Variants in OTUD7B observed in about 807,000 individuals in gnomAD.
OTUD7B encodes the protein OTU domain-containing protein 7B.
OTUD7B carries 34 observed loss-of-function variants against 82.2 expected under a neutral mutation model. That is an observed-to-expected ratio of 0.41 (90% CI 0.31 to 0.55). OTUD7B has a LOEUF of 0.55. Ranked by LOEUF, OTUD7B falls within the 20% of genes least tolerant of loss-of-function variation. The pLI is 0.20. For synonymous variants in OTUD7B, 398 were observed against 402.7 expected, an observed-to-expected ratio of 0.99 and a Z score of 0.14; for missense variants, 944 against 1,062.1, an observed-to-expected ratio of 0.89 and a Z score of 1.55.
chr1:150,063,002 C>A, the OTUD7B span, among the ~76,000 whole-genome samples: 1 of 150,864 alleles, frequency 6.6e-6, no homozygotes, highest in Non-Finnish European at 1.5e-5. Flanking sequence ...GCGTGACCCA[C>A]CAAGGCTGGC....
chr1:150,031,518 C>T, the OTUD7B span, among the ~76,000 whole-genome samples: 3 of 152,178 alleles, frequency 2.0e-5, no homozygotes, highest in Middle Eastern at 3.2e-3. Context: ...TTTAATAAAA[C>T]GCTGTGCTTT....
chr1:150,008,228 A>T (rs587603940), intron 1 of OTUD7B, among the ~76,000 whole-genome samples: 3 of 152,312 alleles, frequency 2.0e-5, no homozygotes, highest in Admixed American at 2.0e-4. Context: ...CAACTTAGGG[A>T]GTTGCTAGAT....
intron 1 of OTUD7B, among the ~76,000 whole-genome samples, chr1:149,985,764 T>C (rs1207851113): frequency 1.3e-5 from 2 of 150,608 alleles, no homozygotes; most frequent in African/African-American, 2.4e-5. Flanking sequence ...AAAAAATCTA[T>C]ACAGGACAAA....
the OTUD7B span, among the ~76,000 whole-genome samples, chr1:150,029,803 TTA>T: frequency 5.9e-5 from 9 of 152,302 alleles, no homozygotes; most frequent in East Asian, 1.7e-3. Flanking sequence ...CTCTGAAATC[TTA>T]AAAGTCCAGT....
chr1:150,019,102 C>A, the OTUD7B span, among the ~76,000 whole-genome samples: 3 of 152,182 alleles, frequency 2.0e-5, no homozygotes, highest in African/African-American at 7.2e-5. Flanking sequence ...TGCTCAGAAT[C>A]TAGGTTAGCA....
intron 5 of OTUD7B, 98 bp from the exon 6 acceptor site, chr1:149,964,447 G>C (rs782703758): frequency 1.6e-6 from 2 of 1,272,480 alleles, no homozygotes; most frequent in Non-Finnish European, 2.2e-6. Flanking sequence ...GGCCAGGCTG[G>C]TCTCAAACCC....
intron 2 of OTUD7B, among the ~76,000 whole-genome samples, chr1:149,973,475 CTGT>C (rs143050781): frequency 0.047 from 7,103 of 152,176 alleles, 210 homozygotes; most frequent in Non-Finnish European, 0.072. Context: ...AATCAGTTAA[CTGT>C]TGTTGTTGTT....
chr1:150,067,206 G>A, the OTUD7B span: 1 of 152,166 alleles, frequency 6.6e-6, no homozygotes. Context: ...AATCTCATAT[G>A]CCCCTCTGTC....
chr1:149,965,267 T>A (rs1438331614), intron 5 of OTUD7B, among the ~76,000 whole-genome samples: 1 of 151,970 alleles, frequency 6.6e-6, no homozygotes, highest in Non-Finnish European at 1.5e-5. Flanking sequence ...CTTGGGAGGC[T>A]GAGGCAGGAG....
the OTUD7B span, among the ~76,000 whole-genome samples, chr1:150,055,530 C>T: frequency 6.6e-6 from 1 of 152,198 alleles, no homozygotes; most frequent in African/African-American, 2.4e-5. Context: ...TTCGACCCAG[C>T]AATCCCATTA....
At chr1:149,974,055 C>T (rs587686245) in intron 2 of OTUD7B, among the ~76,000 whole-genome samples, 2 of 152,016 alleles carry the variant, frequency 1.3e-5, no homozygotes, top group Admixed American at 6.6e-5. Flanking sequence ...GACAGGGTTT[C>T]ACCATCTTGG....
At chr1:150,045,071 A>G in the OTUD7B span, among the ~76,000 whole-genome samples, 2 of 148,448 alleles carry the variant, frequency 1.3e-5, no homozygotes, top group Non-Finnish European at 3.0e-5. Context: ...GAAAATAAAC[A>G]ATATTATTTG....
chr1:150,047,916 C>T, the OTUD7B span: 3 of 151,490 alleles, frequency 2.0e-5, no homozygotes, highest in African/African-American at 7.3e-5. Flanking sequence ...CGCGCTCCAG[C>T]GTGCACTCCA....
At chr1:150,023,768 AAAAGAGTAGATTTC>A in the OTUD7B span, among the ~76,000 whole-genome samples, 3 of 152,234 alleles carry the variant, frequency 2.0e-5, no homozygotes, top group Non-Finnish European at 4.4e-5. Context: ...CAAAATCGCT[AAAAGAGTAGATTTC>A]AAATGTTCTT....
upstream of OTUD7B, among the ~76,000 whole-genome samples, chr1:150,015,298 T>TTTTTG (rs1394680310): frequency 9.5e-4 from 135 of 141,714 alleles, 1 homozygote; most frequent in African/African-American, 3.5e-3. Flanking sequence ...CTCTTTTTTT[T>TTTTTG]TTTGTTTTTT....
the OTUD7B span, among the ~76,000 whole-genome samples, chr1:150,053,588 G>T: frequency 2.6e-5 from 4 of 151,752 alleles, no homozygotes; most frequent in Non-Finnish European, 4.4e-5. Flanking sequence ...TAGAGACGAG[G>T]TTTCTCCATG....
chr1:150,010,218 G>A (rs1553787041), intron 1 of OTUD7B, among the ~76,000 whole-genome samples: 54 of 152,160 alleles, frequency 3.5e-4, no homozygotes. Flanking sequence ...GAGCTGGAGA[G>A]CGCGGGGTAG....
chr1:149,968,903 G>A (rs1420827765), intron 3 of OTUD7B, among the ~76,000 whole-genome samples: 5 of 151,868 alleles, frequency 3.3e-5, no homozygotes, highest in African/African-American at 7.3e-5. Context: ...TAGCAGAGAC[G>A]GGGTTTCTCC....
chr1:150,010,954 TGGA>T (rs1653010977), upstream of OTUD7B, among the ~76,000 whole-genome samples: 1 of 152,150 alleles, frequency 6.6e-6, no homozygotes, highest in African/African-American at 2.4e-5. Flanking sequence ...GAACAGGAGT[TGGA>T]GGAGTACAGG....
Sources: gnomAD v4.1 joint callset for allele counts (sites outside exome capture counted in the v4.1 genomes callset) on GRCh38, gnomAD v4.1.1 for gene constraint, MANE v1.5 for transcripts, NCBI Gene and HGNC (gene_info 2026-07-23, HGNC 2026-07-21) for gene names.